The following SAMD5 variants were observed in gnomAD, a reference collection of about 807,000 sequenced individuals.
SAMD5 encodes the protein sterile alpha motif domain-containing protein 5.
SAMD5 carries 13 observed loss-of-function variants against 11.3 expected under a neutral mutation model. The ratio of observed to expected loss-of-function variants is 1.15; its 90% confidence interval spans 0.75 to 1.83. SAMD5 has a LOEUF of 1.83. Ranked by LOEUF, SAMD5 falls within the 40% of genes most tolerant of loss-of-function variation. The pLI is 0.00. For synonymous variants in SAMD5, 129 were observed against 111.3 expected, an observed-to-expected ratio of 1.16 and a Z score of -1.00; for missense variants, 255 against 239.1, an observed-to-expected ratio of 1.07 and a Z score of -0.44.
chr6:147,877,881 C>CACACACACAATA, the SAMD5 span, among the ~76,000 whole-genome samples: 2 of 82,328 alleles, frequency 2.4e-5, no homozygotes, highest in Non-Finnish European at 5.1e-5. Flanking sequence ...CACACACACA[C>CACACACACAATA]GATAGATAGA....
At chr6:147,867,692 G>A in the SAMD5 span, among the ~76,000 whole-genome samples, 1 of 152,170 alleles carries the variant, frequency 6.6e-6, no homozygotes, top group African/African-American at 2.4e-5. Context: ...TGCACATTAA[G>A]TGGCTAAGGC....
chr6:147,881,411 A>G, the SAMD5 span, among the ~76,000 whole-genome samples: 1 of 152,168 alleles, frequency 6.6e-6, no homozygotes, highest in Admixed American at 6.5e-5. Flanking sequence ...GATAAGTGGT[A>G]CATCAGACCC....
the SAMD5 span, among the ~76,000 whole-genome samples, chr6:147,894,681 T>G: frequency 6.6e-6 from 1 of 152,228 alleles, no homozygotes; most frequent in Non-Finnish European, 1.5e-5. Flanking sequence ...TGAATATTCA[T>G]ATGCACTCAT....
intron 1 of SAMD5, among the ~76,000 whole-genome samples, chr6:147,621,003 T>C (rs1789954570): frequency 6.8e-6 from 1 of 147,560 alleles, no homozygotes; most frequent in South Asian, 2.1e-4. Context: ...CGCGCGCACA[T>C]GCGCGCGCAT....
chr6:147,664,468 G>A (rs1284302350), intron 1 of SAMD5, among the ~76,000 whole-genome samples: 5 of 152,082 alleles, frequency 3.3e-5, no homozygotes, highest in African/African-American at 7.2e-5. Flanking sequence ...GTTTCTCAGT[G>A]ATACCCAAGG....
chr6:147,683,140 G>A (rs1439788690), intron 1 of SAMD5, among the ~76,000 whole-genome samples: 1 of 152,212 alleles, frequency 6.6e-6, no homozygotes, highest in African/African-American at 2.4e-5. Context: ...AGATTAGGAT[G>A]AACATTAACA....
At chr6:147,919,970 A>G in the SAMD5 span, among the ~76,000 whole-genome samples, 1 of 152,192 alleles carries the variant, frequency 6.6e-6, no homozygotes, top group Non-Finnish European at 1.5e-5. Context: ...AATCCCTTTT[A>G]TACCAACCAC....
chr6:147,843,343 A>G, the SAMD5 span, among the ~76,000 whole-genome samples: 257 of 152,368 alleles, frequency 1.7e-3, 1 homozygote, highest in Middle Eastern at 6.8e-3. Flanking sequence ...GAAACTGAAG[A>G]TGACATAAAT....
the SAMD5 span, among the ~76,000 whole-genome samples, chr6:147,751,096 A>G: frequency 6.6e-6 from 1 of 152,102 alleles, no homozygotes; most frequent in Non-Finnish European, 1.5e-5. Context: ...TGCTCCTGGA[A>G]CACACCAGAC....
intron 1 of SAMD5, among the ~76,000 whole-genome samples, chr6:147,707,911 C>A (rs1281308089): frequency 6.6e-6 from 1 of 151,970 alleles, no homozygotes; most frequent in Non-Finnish European, 1.5e-5. Flanking sequence ...GGTTAGGGAG[C>A]AATTTAGGGT....
At chr6:147,792,916 G>A in the SAMD5 span, among the ~76,000 whole-genome samples, 1 of 152,132 alleles carries the variant, frequency 6.6e-6, no homozygotes, top group African/African-American at 2.4e-5. Flanking sequence ...ATTCCATACT[G>A]ACATAAATAA....
chr6:147,625,102 G>A (rs915202919), intron 1 of SAMD5, among the ~76,000 whole-genome samples: 1 of 152,124 alleles, frequency 6.6e-6, no homozygotes, highest in Non-Finnish European at 1.5e-5. Context: ...TTAGTCGATT[G>A]GTGTGGTTTG....
At chr6:147,690,522 G>A (rs772366151) in intron 1 of SAMD5, among the ~76,000 whole-genome samples, 10 of 151,990 alleles carry the variant, frequency 6.6e-5, no homozygotes, top group East Asian at 1.9e-4. Context: ...GGTGGCGGGC[G>A]CCTGCAGTCC....
chr6:147,835,238 A>AAG, the SAMD5 span, among the ~76,000 whole-genome samples: 2 of 150,568 alleles, frequency 1.3e-5, no homozygotes, highest in Non-Finnish European at 3.0e-5. Flanking sequence ...ATCTTAAAAA[A>AAG]AAAAAAAACA....
chr6:147,683,154 C>T (rs568303213), intron 1 of SAMD5, among the ~76,000 whole-genome samples: 3 of 152,276 alleles, frequency 2.0e-5, no homozygotes, highest in East Asian at 1.9e-4. Context: ...ATTAACACTG[C>T]GTGCCATTTG....
In SAMD5 at chr6:147,669,530, C is replaced by T. The variant is rs146837530; in HGVS notation, c.163-67787C>T. On this transcript the variant is annotated intron_variant, in intron 1 of 1. Coordinates refer to the SAMD5 transcript ENST00000566741. ...GCAACCTCTGCTTCCTGGGTTAAAG[C>T]GACACTCCTGCCTCAGCCTCCCAAG... is the stretch of plus-strand genomic sequence containing the variant. 1.1e-3 allele frequency among the ~76,000 whole-genome samples: 165 copies of T among 148,230 alleles called. 3 individuals are homozygous for T. Among genetic ancestry groups the T allele is most frequent in the African/African-American group, 3.4e-3 (137 of 40,136 alleles).
intron 1 of SAMD5, among the ~76,000 whole-genome samples, chr6:147,582,357 G>C (rs1233056217): frequency 6.6e-6 from 1 of 152,222 alleles, no homozygotes; most frequent in South Asian, 2.1e-4. Context: ...AGGAAAGGAT[G>C]GGTGTGGCTG....
Position 147,568,811 on chromosome 6 carries a change from G to A in SAMD5, c.*4355G>A. ...TTCTTTGATTAAAAAATCATCTTCA[G>A]CTTTACATTATTAATCTCTGAGGAC... On this transcript the variant is annotated 3_prime_UTR_variant, in exon 2 of 2. Coordinates refer to ENST00000367474, the MANE Select transcript of SAMD5 (RefSeq NM_001030060.3). 1.0e-6 allele frequency: 1 copy of A among 953,844 alleles called. No individual in the cohort carries two copies. Among genetic ancestry groups the A allele is most frequent in the South Asian group, 4.9e-5 (1 of 20,602 alleles). The allele number at this position is 953,844 out of a possible 1,614,324, so 59.1% of individuals were successfully genotyped here. A position where few individuals can be genotyped will look rare whatever the true frequency, so the allele number is the denominator to read the frequency against.
intron 1 of SAMD5, among the ~76,000 whole-genome samples, chr6:147,553,459 T>C (rs879750349): frequency 1.3e-5 from 2 of 152,104 alleles, no homozygotes; most frequent in Admixed American, 6.5e-5. Context: ...TACCAAATTG[T>C]TTTCTCTCTT....
Sources: gnomAD v4.1 joint callset for allele counts (sites outside exome capture counted in the v4.1 genomes callset) on GRCh38, gnomAD v4.1.1 for gene constraint, MANE v1.5 for transcripts, NCBI Gene and HGNC (gene_info 2026-07-23, HGNC 2026-07-21) for gene names.